Variants in SETD3 observed in about 807,000 individuals in gnomAD.
SETD3 encodes the protein actin-histidine N-methyltransferase.
Under a neutral mutation model 63.0 loss-of-function variants are expected in SETD3, and 19 were observed. The ratio of observed to expected loss-of-function variants is 0.30; its 90% CI spans 0.21 to 0.44. The LOEUF is 0.44. SETD3 is among the 20% of genes least tolerant of loss of function. The pLI is 1.00. For synonymous variants in SETD3, 286 were observed against 264.1 expected, an observed-to-expected ratio of 1.08 and a Z score of -0.80; for missense variants, 587 against 728.5, an observed-to-expected ratio of 0.81 and a Z score of 2.24.
At chr14:99,434,080 T>C (rs1893334504) in intron 6 of SETD3, among the ~76,000 whole-genome samples, 1 of 152,202 alleles carries the variant, frequency 6.6e-6, no homozygotes, top group Admixed American at 6.5e-5. Flanking sequence ...AATGAATGTA[T>C]ATGTCCACAA....
At chr14:99,445,006 C>T (rs890904258) in intron 6 of SETD3, among the ~76,000 whole-genome samples, 9 of 152,112 alleles carry the variant, frequency 5.9e-5, no homozygotes, top group Admixed American at 3.3e-4. Context: ...ACTGCAAGCT[C>T]GTAAGGACTC....
At chr14:99,407,134 T>A (rs2180265) in intron 8 of SETD3, among the ~76,000 whole-genome samples, 1 of 152,060 alleles carries the variant, frequency 6.6e-6, no homozygotes, top group Non-Finnish European at 1.5e-5. Context: ...CTTTCAAGCA[T>A]GCAAAGGCAA....
In SETD3 at chr14:99,402,499, T is replaced by C. The variant is rs145843696; in HGVS notation, c.1177+1726A>G. On this transcript the variant is annotated intron_variant, in intron 11 of 12. Transcript: ENST00000331768. The stretch of plus-strand genomic sequence containing the variant: ...GTGCAGTAGCAAGATCACGGCTCAC[T>C]GCAGCCTCAACCTCCCAGGCTCAAT... Among the ~76,000 whole-genome samples the C allele has an allele frequency of 7.5e-4, 114 of 152,322 alleles. 1 individual carries two copies. The Middle Eastern group carries it at 0.014, about 18-fold the overall frequency.
intron 6 of SETD3, among the ~76,000 whole-genome samples, chr14:99,437,142 C>G (rs1893528568): frequency 6.6e-6 from 1 of 152,212 alleles, no homozygotes; most frequent in African/African-American, 2.4e-5. Context: ...CAAATGAGAA[C>G]AGAAGTACCC....
At chr14:99,462,832 A>G (rs1236196208) in intron 3 of SETD3, among the ~76,000 whole-genome samples, 1 of 152,180 alleles carries the variant, frequency 6.6e-6, no homozygotes, top group Non-Finnish European at 1.5e-5. Flanking sequence ...CTTCATGACA[A>G]TAAGAAAGGG....
chr14:99,434,113 C>T (rs1481190282), intron 6 of SETD3, among the ~76,000 whole-genome samples: 1 of 152,228 alleles, frequency 6.6e-6, no homozygotes, highest in Non-Finnish European at 1.5e-5. Flanking sequence ...AAGATTACTT[C>T]TAGCAGCTTC....
At chr14:99,407,579 G>A (rs1189611908) in intron 8 of SETD3, among the ~76,000 whole-genome samples, 2 of 152,150 alleles carry the variant, frequency 1.3e-5, no homozygotes, top group Non-Finnish European at 2.9e-5. Context: ...TAAACCCCAA[G>A]TTCCTGAGCA....
chr14:99,465,817 CAGAGAAGAGAA>C lies in SETD3; in HGVS notation c.-8-15_-8-5del. 4 of 1,598,312 alleles carry C rather than the reference CAGAGAAGAGAA, an allele frequency of 2.5e-6. No homozygotes were observed. In the Admixed American group the frequency reaches 6.8e-5, roughly 27 times the overall value. On this transcript the variant is annotated splice_polypyrimidine_tract_variant and splice_region_variant and intron_variant, in intron 1 of 12. Transcript: ENST00000331768. ...CTCTTCTTACCCATTTTTCTGACTA[CAGAGAAGAGAA>C]AGAAAAGAGAAAAAAATTACATTAC...
chr14:99,399,516 T>G (rs1174884271), intron 12 of SETD3, among the ~76,000 whole-genome samples: 1 of 152,172 alleles, frequency 6.6e-6, no homozygotes, highest in African/African-American at 2.4e-5. Flanking sequence ...AAGATGTATT[T>G]GAAGTTAGTG....
Position 99,404,229 on chromosome 14 carries a change from A to T in SETD3, c.1173T>A (p.Thr391=). ...LLAFLRVFCM[T]EEELKEHLLG... ...TTTTTTCCTGAAATGACTTACCTTC[A>T]GTCATACAGAATACTCGGAGAAAAG... The change falls in exon 11 of 13, where the codon ACT becomes ACA. Residue 391 remains threonine (T), a synonymous_variant. Transcript: ENST00000331768. 1.2e-6 allele frequency: 2 copies of T among 1,613,324 alleles called. No homozygotes were observed. The highest frequency in any genetic ancestry group is 1.7e-6 in the Non-Finnish European group (2 of 1,179,434).
intron 8 of SETD3, among the ~76,000 whole-genome samples, chr14:99,407,071 A>C (rs1891722196): frequency 1.3e-5 from 2 of 152,266 alleles, no homozygotes; most frequent in Admixed American, 6.5e-5. Context: ...CAGGGAAAAG[A>C]AAAGCTCTAT....
chr14:99,417,541 TGA>T (rs1454652795), intron 6 of SETD3, among the ~76,000 whole-genome samples: 9 of 152,330 alleles, frequency 5.9e-5, no homozygotes, highest in African/African-American at 2.2e-4. Flanking sequence ...TGATCAGAAA[TGA>T]GAGATACAGA....
rs546439571 is a variant in SETD3, at chr14:99,463,561, G to A, written c.121C>T (p.Pro41Ser). 5.0e-6 allele frequency: 8 copies of A among 1,613,872 alleles called. No homozygotes were observed. The South Asian group carries it at 6.6e-5, about 13-fold the overall frequency. The stretch of plus-strand genomic sequence containing the variant: ...TCTTCCCACTCTTTTCCTGGGCCAG[G>A]CGCCGGACTGCTGCATTCTGTAACA... ...ELLQKCSSPA[P>S]GPGKEWEEYV... Residue 41 changes from proline to serine, a missense_variant, in exon 3 of 13, where the codon CCT becomes TCT. By Grantham distance (74) the Pro-to-Ser change is moderately conservative. Coordinates refer to ENST00000331768, the MANE Select transcript of SETD3 (RefSeq NM_032233.3).
At chr14:99,463,331 G>A (rs1345635977) in intron 3 of SETD3, among the ~76,000 whole-genome samples, 155 bp downstream of exon 3, 1 of 152,118 alleles carries the variant, frequency 6.6e-6, no homozygotes, top group Non-Finnish European at 1.5e-5. Context: ...GAGAAATCCC[G>A]CTAACTGCTC....
At chr14:99,430,016 G>A (rs375386303) in intron 6 of SETD3, among the ~76,000 whole-genome samples, 1 of 152,310 alleles carries the variant, frequency 6.6e-6, no homozygotes, top group African/African-American at 2.4e-5. Flanking sequence ...GAGAGGGGAG[G>A]GGGAGTGAGC....
chr14:99,465,489 G>A (rs1895318836), intron 2 of SETD3, among the ~76,000 whole-genome samples: 3 of 152,142 alleles, frequency 2.0e-5, no homozygotes, highest in Admixed American at 6.5e-5. Context: ...CTTCACCCAA[G>A]CCTTGTTAAC....
chr14:99,480,353 C>G (rs3918025), intron 1 of SETD3, among the ~76,000 whole-genome samples: 148,287 of 152,132 alleles, frequency 0.97, 72,369 homozygotes, highest in East Asian at 1. Context: ...CCGGGGACAG[C>G]GGGGCAAGCT....
chr14:99,453,584 G>A (rs1165743500), intron 6 of SETD3, among the ~76,000 whole-genome samples: 1 of 152,086 alleles, frequency 6.6e-6, no homozygotes, highest in Non-Finnish European at 1.5e-5. Context: ...CAGCACTTTG[G>A]GAGGCCGAGG....
In SETD3 at chr14:99,405,311, AG is replaced by A; in HGVS notation, c.984del (p.Phe329LeufsTer9). ...NAEFVIHSGF[F>X]FDNNSHDRVK... Reference sequence around the variant, plus strand: ...ACTCTGTCGTGTGAGTTATTGTCAAAGAAAAAACCACTGTGGATCACAAACT... The same window carrying A: ...ACTCTGTCGTGTGAGTTATTGTCAAAAAAAAACCACTGTGGATCACAAACT... On this transcript the variant is annotated frameshift_variant, in exon 10 of 13. Transcript: ENST00000331768. LOFTEE classifies it high-confidence loss of function. 1 of 1,614,188 alleles carries A rather than the reference AG, an allele frequency of 6.2e-7. No homozygotes were observed. Among genetic ancestry groups the A allele is most frequent in the Non-Finnish European group, 8.5e-7 (1 of 1,180,024 alleles).
Sources: allele counts gnomAD v4.1 joint callset (sites outside exome capture counted in the v4.1 genomes callset), GRCh38; gene constraint gnomAD v4.1.1; transcripts MANE v1.5; gene names NCBI Gene and HGNC (gene_info 2026-07-23, HGNC 2026-07-21).